SLC30A6: variants seen among roughly 807,000 people sequenced by gnomAD.
SLC30A6 encodes the protein zinc transporter 6.
SLC30A6 carries 55 observed loss-of-function variants against 63.0 expected under a neutral mutation model. The observed-to-expected ratio is 0.87, with a 90% CI of 0.70 to 1.09. The LOEUF is 1.09. Ranked by LOEUF, SLC30A6 falls within the 50% of genes least tolerant of loss-of-function variation. The pLI is 0.00. For synonymous variants in SLC30A6, 224 were observed against 186.1 expected, an observed-to-expected ratio of 1.20 and a Z score of -1.66; for missense variants, 587 against 549.2, an observed-to-expected ratio of 1.07 and a Z score of -0.69.
intron 13 of SLC30A6, among the ~76,000 whole-genome samples, chr2:32,219,272 G>T (rs1237611060): frequency 2.6e-5 from 4 of 151,132 alleles, no homozygotes; most frequent in African/African-American, 9.7e-5. Flanking sequence ...GACGTCAGGG[G>T]TGATCCGCCC....
At chr2:32,169,271 C>A (rs144671183) in intron 1 of SLC30A6, among the ~76,000 whole-genome samples, 1 of 152,202 alleles carries the variant, frequency 6.6e-6, no homozygotes, top group Non-Finnish European at 1.5e-5. Flanking sequence ...CGGGCTCATG[C>A]GATCCTTCCA....
At chr2:32,175,501 C>A in intron 4 of SLC30A6, 140 bp downstream of exon 4, 1 of 723,586 alleles carries the variant, frequency 1.4e-6, no homozygotes, top group Non-Finnish European at 2.2e-6. Context: ...GCTTTGAAGA[C>A]AGTCATAAAG....
At chr2:32,199,860 G>C (rs1573362621) in intron 10 of SLC30A6, among the ~76,000 whole-genome samples, 1 of 151,978 alleles carries the variant, frequency 6.6e-6, no homozygotes, top group African/African-American at 2.4e-5. Flanking sequence ...TACACCTGTA[G>C]TCCCAGCACT....
intron 4 of SLC30A6, among the ~76,000 whole-genome samples, chr2:32,183,511 G>C (rs551538818): frequency 1.3e-5 from 2 of 150,794 alleles, no homozygotes; most frequent in African/African-American, 4.9e-5. Flanking sequence ...ACGAAACCTC[G>C]TCTCTACTAA....
chr2:32,200,642 A>G (rs1684205696), intron 10 of SLC30A6, among the ~76,000 whole-genome samples: 1 of 151,214 alleles, frequency 6.6e-6, no homozygotes, highest in Non-Finnish European at 1.5e-5. Flanking sequence ...TGTTAAACAG[A>G]TGCTTGAAGG....
intron 3 of SLC30A6, among the ~76,000 whole-genome samples, chr2:32,174,968 CTT>C (rs1406579600): frequency 1.3e-5 from 2 of 152,006 alleles, no homozygotes; most frequent in Non-Finnish European, 2.9e-5. Context: ...TTTCTTATAT[CTT>C]TTTATGTTTT....
intron 5 of SLC30A6, among the ~76,000 whole-genome samples, chr2:32,188,389 A>C (rs1033415962): frequency 6.6e-6 from 1 of 152,158 alleles, no homozygotes; most frequent in Non-Finnish European, 1.5e-5. Flanking sequence ...TTCTGTCCCT[A>C]CCCTTTAAAA....
intron 11 of SLC30A6, among the ~76,000 whole-genome samples, chr2:32,206,229 G>C (rs1311318572): frequency 6.6e-6 from 1 of 151,686 alleles, no homozygotes; most frequent in East Asian, 2.0e-4. Flanking sequence ...GTTAGATGAC[G>C]AGGTCAGGAG....
chr2:32,221,156 TTTTTG>T lies in SLC30A6; in HGVS notation c.*458_*462del. 8 of 207,822 alleles carry T rather than the reference TTTTTG, an allele frequency of 3.8e-5. No individual in the cohort carries two copies. The highest frequency in any genetic ancestry group is 1.7e-4 in the South Asian group (2 of 12,032). 12.9% of individuals were successfully genotyped at this position (207,822 alleles called of 1,614,324 possible). On this transcript the variant is annotated 3_prime_UTR_variant, in exon 14 of 14. Coordinates refer to ENST00000282587, the MANE Select transcript of SLC30A6 (RefSeq NM_017964.5). The stretch of plus-strand genomic sequence containing the variant: ...CTGTACTTTATTAAGGCTTCCTTAG[TTTTTG>T]TTTTGTTTTGTTTTTTGAGATGGAG...
chr2:32,189,973 C>A (rs1470658342), intron 5 of SLC30A6, among the ~76,000 whole-genome samples: 3 of 151,986 alleles, frequency 2.0e-5, no homozygotes, highest in Non-Finnish European at 4.4e-5. Flanking sequence ...AGTTATTTTC[C>A]TTATGACTAA....
chr2:32,183,334 A>T (rs1682508938), intron 4 of SLC30A6, among the ~76,000 whole-genome samples: 1 of 152,092 alleles, frequency 6.6e-6, no homozygotes, highest in East Asian at 1.9e-4. Flanking sequence ...CCATTTAAGG[A>T]TTACAAAATA....
chr2:32,171,311 C>A lies in SLC30A6; in HGVS notation c.28C>A (p.Pro10Thr), dbSNP rs772134463. The change falls in exon 2 of 14, where the codon CCA becomes ACA. Residue 10 changes from proline (P) to threonine (T), a missense_variant. By Grantham distance (38) the Pro-to-Thr change is conservative. Coordinates refer to ENST00000282587, the MANE Select transcript of SLC30A6 (RefSeq NM_017964.5). The stretch of plus-strand genomic sequence containing the variant: ...GGGGACAATTCATCTCTTTCGAAAA[C>A]CACAAAGATCCTTTTTTGGCAAGTT... MGTIHLFRK[P>T]QRSFFGKLLR... 6.2e-7 allele frequency: 1 copy of A among 1,613,604 alleles called. No individual in the cohort carries two copies. Among genetic ancestry groups the A allele is most frequent in the South Asian group, 1.1e-5 (1 of 91,066 alleles).
At chr2:32,187,909 T>C (rs568361883) in intron 5 of SLC30A6, among the ~76,000 whole-genome samples, 34 of 152,338 alleles carry the variant, frequency 2.2e-4, no homozygotes, top group Non-Finnish European at 4.3e-4. Flanking sequence ...TCTCCACTAC[T>C]GCCAGCCCAG....
At chr2:32,177,258 T>C (rs1681838104) in intron 4 of SLC30A6, among the ~76,000 whole-genome samples, 1 of 152,222 alleles carries the variant, frequency 6.6e-6, no homozygotes, top group South Asian at 2.1e-4. Context: ...TACAGTCCTT[T>C]ATGACTGTCT....
chr2:32,191,201 A>G (rs1390546919), intron 5 of SLC30A6, among the ~76,000 whole-genome samples: 1 of 152,164 alleles, frequency 6.6e-6, no homozygotes, highest in Non-Finnish European at 1.5e-5. Context: ...ACATTGGTGC[A>G]TTTGCATACT....
intron 1 of SLC30A6, among the ~76,000 whole-genome samples, chr2:32,170,883 G>T (rs1018600721): frequency 2.6e-5 from 4 of 152,206 alleles, no homozygotes; most frequent in African/African-American, 9.6e-5. Flanking sequence ...ACAGGCATGA[G>T]CCCCAAGCAC....
chr2:32,212,875 G>C (rs1264992835), intron 13 of SLC30A6, among the ~76,000 whole-genome samples: 2 of 144,878 alleles, frequency 1.4e-5, no homozygotes, highest in Non-Finnish European at 3.0e-5. Context: ...GATTACAGGA[G>C]TGAGCCACTG....
At chr2:32,186,884 C>G (rs1394112343) in intron 5 of SLC30A6, among the ~76,000 whole-genome samples, 2 of 149,258 alleles carry the variant, frequency 1.3e-5, no homozygotes, top group Non-Finnish European at 3.0e-5. Context: ...GCATTCCCAG[C>G]TACTCATGAG....
intron 5 of SLC30A6, among the ~76,000 whole-genome samples, chr2:32,189,281 C>CTTTTTTTTT (rs61221362): frequency 2.6e-5 from 3 of 114,872 alleles, no homozygotes; most frequent in Non-Finnish European, 3.5e-5. Context: ...TTGATACTGT[C>CTTTTTTTTT]TTTTTTTTTT....
Sources: gnomAD v4.1 joint callset for allele counts (sites outside exome capture counted in the v4.1 genomes callset) on GRCh38, gnomAD v4.1.1 for gene constraint, MANE v1.5 for transcripts, NCBI Gene and HGNC (gene_info 2026-07-23, HGNC 2026-07-21) for gene names.